Variants in LOC112267897 observed in about 807,000 individuals in gnomAD.
the LOC112267897 span, chr13:63,747,106 T>C: frequency 1.2e-6 from 2 of 1,603,292 alleles, no homozygotes; most frequent in Non-Finnish European, 1.7e-6. Context: ...GTTATGGAAC[T>C]GGCTATGGCT....
chr13:63,747,007 C>T, the LOC112267897 span: 1 of 1,532,130 alleles, frequency 6.5e-7, no homozygotes, highest in Non-Finnish European at 9.0e-7. Flanking sequence ...CTGGCTACAG[C>T]TGTGGCTATG....
At chr13:63,747,613 A>G in the LOC112267897 span, 1 of 171,970 alleles carries the variant, frequency 5.8e-6, no homozygotes, top group Non-Finnish European at 9.7e-6. Context: ...TGTATTTTAT[A>G]CATTTACCCT....
the LOC112267897 span, chr13:63,747,285 A>T: frequency 1.3e-5 from 11 of 825,090 alleles, no homozygotes; most frequent in Middle Eastern, 3.4e-4. Context: ...TATATCCAAG[A>T]ATTACATGCT....
the LOC112267897 span, chr13:63,746,920 C>T: frequency 1.4e-6 from 2 of 1,447,238 alleles, no homozygotes; most frequent in Non-Finnish European, 9.6e-7. Context: ...GAACTGGCTA[C>T]AGCTGTGGCT....
the LOC112267897 span, chr13:63,747,938 C>T: frequency 3.5e-5 from 1 of 28,488 alleles, no homozygotes; most frequent in Non-Finnish European, 5.3e-5. Flanking sequence ...AAGCAATAGG[C>T]TATACCTTAT....
chr13:63,747,263 C>T, the LOC112267897 span: 5 of 1,009,946 alleles, frequency 5.0e-6, no homozygotes, highest in Non-Finnish European at 7.3e-6. Flanking sequence ...AGGATTCATA[C>T]TCCAAGATTT....
chr13:63,747,069 C>G, the LOC112267897 span: 27 of 1,605,600 alleles, frequency 1.7e-5, 1 homozygote, highest in Non-Finnish European at 2.2e-5. Flanking sequence ...GGCTATGGAA[C>G]TGGCTTCGGC....
chr13:63,747,006 G>T, the LOC112267897 span: 1 of 1,529,996 alleles, frequency 6.5e-7, no homozygotes, highest in Non-Finnish European at 9.0e-7. Flanking sequence ...ACTGGCTACA[G>T]CTGTGGCTAT....
At chr13:63,746,988 G>A in the LOC112267897 span, 2 of 1,459,380 alleles carry the variant, frequency 1.4e-6, no homozygotes, top group East Asian at 2.3e-5. Flanking sequence ...TATGGCTGTG[G>A]CTATGGAACT....
At chr13:63,746,772 A>G in the LOC112267897 span, 3 of 1,430,400 alleles carry the variant, frequency 2.1e-6, no homozygotes, top group Non-Finnish European at 2.9e-6. Context: ...TCTTCTTGAA[A>G]CCCATCTCAA....
the LOC112267897 span, chr13:63,747,502 AT>A: frequency 5.3e-5 from 10 of 190,052 alleles, no homozygotes; most frequent in East Asian, 3.3e-4. Context: ...CCAAAAAAAA[AT>A]GTTTTAGTAC....
chr13:63,747,312 C>T, the LOC112267897 span: 3 of 631,106 alleles, frequency 4.8e-6, no homozygotes, highest in African/African-American at 6.1e-5. Context: ...AGTCTTGGAC[C>T]TCTAGCCTCA....
At chr13:63,747,123 G>A in the LOC112267897 span, 1 of 1,600,122 alleles carries the variant, frequency 6.2e-7, no homozygotes, top group Non-Finnish European at 8.5e-7. Context: ...GGCTGTGGAT[G>A]TGGCTCTGGC....
the LOC112267897 span, chr13:63,746,933 G>C: frequency 6.9e-7 from 1 of 1,439,262 alleles, no homozygotes; most frequent in Non-Finnish European, 9.7e-7. Flanking sequence ...CTGTGGCTAT[G>C]GCTGTGGCTA....
At chr13:63,747,086 T>A in the LOC112267897 span, 2 of 1,604,772 alleles carry the variant, frequency 1.2e-6, no homozygotes, top group East Asian at 4.5e-5. Flanking sequence ...CGGCTGTGGG[T>A]ATGGCTGTGG....
At chr13:63,747,065 G>A in the LOC112267897 span, 3 of 1,605,146 alleles carry the variant, frequency 1.9e-6, no homozygotes, top group Non-Finnish European at 2.6e-6. Flanking sequence ...CTGTGGCTAT[G>A]GAACTGGCTT....
At chr13:63,746,907 A>G in the LOC112267897 span, 45 of 1,454,650 alleles carry the variant, frequency 3.1e-5, no homozygotes, top group African/African-American at 4.8e-4. Flanking sequence ...GGCTGTGGCT[A>G]TGGAACTGGC....
chr13:63,747,767 G>A, the LOC112267897 span: 1 of 128,708 alleles, frequency 7.8e-6, no homozygotes, highest in East Asian at 2.0e-4. Flanking sequence ...TATAGGTACT[G>A]TTTTATTATT....
At chr13:63,747,015 A>G in the LOC112267897 span, 2 of 1,557,786 alleles carry the variant, frequency 1.3e-6, no homozygotes, top group Non-Finnish European at 1.8e-6. Flanking sequence ...AGCTGTGGCT[A>G]TGGCTCTGGC....
Sources: allele counts gnomAD v4.1 joint callset, GRCh38; gene constraint gnomAD v4.1.1; transcripts MANE v1.5.